TCF20: variants seen among roughly 807,000 people sequenced by gnomAD.
The protein encoded by TCF20 is transcription factor 20, also known as SPRE-binding protein.
A neutral mutation model predicts 148.6 loss-of-function variants in TCF20; 3 were observed. The ratio of observed to expected loss-of-function variants is 0.02; its 90% CI spans 0.01 to 0.05. TCF20 has a LOEUF of 0.05. Among genes scored for constraint, TCF20 ranks in the 10% least tolerant of loss-of-function variants. TCF20 has a pLI of 1.00. For synonymous variants in TCF20, 1,049 were observed against 909.5 expected (o/e 1.15, Z -2.76); for missense variants, 2,350 against 2,429.3 (o/e 0.97, Z 0.69).
chr22:42,233,957 TAG>T (rs1259921359), intron 1 of TCF20, among the ~76,000 whole-genome samples: 1 of 152,214 alleles, frequency 6.6e-6, no homozygotes, highest in African/African-American at 2.4e-5. Context: ...AAGGTTTCTT[TAG>T]AGTTTTTAAA....
At chr22:42,249,744 A>G (rs1925211393) in intron 1 of TCF20, among the ~76,000 whole-genome samples, 1 of 152,256 alleles carries the variant, frequency 6.6e-6, no homozygotes, top group South Asian at 2.1e-4. Context: ...CCCCTGCCAA[A>G]TTATTCAATG....
At chr22:42,184,073 G>A (rs1936923678) in intron 2 of TCF20, among the ~76,000 whole-genome samples, 1 of 151,916 alleles carries the variant, frequency 6.6e-6, no homozygotes, top group Non-Finnish European at 1.5e-5. Flanking sequence ...CTGGCCTTAG[G>A]TTCTTTAATG....
At chr22:42,264,181 C>T (rs925825554) in intron 1 of TCF20, among the ~76,000 whole-genome samples, 20 of 150,450 alleles carry the variant, frequency 1.3e-4, no homozygotes. Context: ...CCTTGCTTTC[C>T]TTGACATCCC....
intron 1 of TCF20, among the ~76,000 whole-genome samples, chr22:42,294,852 A>C (rs1314030212): frequency 6.6e-6 from 1 of 152,152 alleles, no homozygotes; most frequent in Non-Finnish European, 1.5e-5. Flanking sequence ...AGGGGAATAC[A>C]CACCGGTGCT....
intron 1 of TCF20, among the ~76,000 whole-genome samples, chr22:42,219,383 C>CAAAAAAAAAAAAAAAAAAAAAAAAAAAAA (rs1922140132): frequency 1.6e-5 from 1 of 62,048 alleles, no homozygotes; most frequent in Non-Finnish European, 3.2e-5. Context: ...AAAAAAAAAG[C>CAAAAAAAAAAAAAAAAAAAAAAAAAAAAA]TAATAGAGAT....
intron 1 of TCF20, among the ~76,000 whole-genome samples, chr22:42,340,615 C>T (rs563938363): frequency 3.3e-5 from 5 of 152,266 alleles, no homozygotes; most frequent in African/African-American, 1.2e-4. Flanking sequence ...AGTACACAAG[C>T]ACTCACCTGG....
chr22:42,295,957 C>T (rs1927229507), intron 1 of TCF20, among the ~76,000 whole-genome samples: 1 of 152,212 alleles, frequency 6.6e-6, no homozygotes, highest in Non-Finnish European at 1.5e-5. Flanking sequence ...CCACAAGACC[C>T]TGGGCATCAC....
In TCF20 at chr22:42,214,006, C is replaced by T; in HGVS notation, c.1300G>A (p.Gly434Ser). The T allele has an allele frequency of 6.2e-7, 1 of 1,614,176 alleles. No homozygotes were observed. The highest frequency in any genetic ancestry group is 8.5e-7 in the Non-Finnish European group (1 of 1,180,042). ...CCTTCTAGTCCAAACCCTTTGAAGC[C>T]TGCAGCATGAGAATTAGGACTGGGC... ...MMPSPNSHAA[G>S]FKGFGLEGVP... Residue 434 changes from glycine to serine, a missense_variant, in exon 2 of 6, where the codon GGC becomes AGC. Transcript: ENST00000677622.
chr22:42,263,550 A>G (rs1172372559), intron 1 of TCF20, among the ~76,000 whole-genome samples: 1 of 152,084 alleles, frequency 6.6e-6, no homozygotes, highest in Non-Finnish European at 1.5e-5. Flanking sequence ...TTCACCCTAC[A>G]TCCAAAAGGC....
intron 2 of TCF20, among the ~76,000 whole-genome samples, chr22:42,203,677 G>A (rs888351334): frequency 2.6e-5 from 4 of 152,146 alleles, no homozygotes; most frequent in Non-Finnish European, 2.9e-5. Context: ...GGAACAGGGC[G>A]CCACCGCCTA....
At chr22:42,183,244 C>T (rs1936866827) in intron 2 of TCF20, among the ~76,000 whole-genome samples, 1 of 152,222 alleles carries the variant, frequency 6.6e-6, no homozygotes, top group Non-Finnish European at 1.5e-5. Context: ...AGTGTTCTGT[C>T]TCCTACAGAG....
chr22:42,222,651 T>A (rs1240911014), intron 1 of TCF20, among the ~76,000 whole-genome samples: 1 of 152,138 alleles, frequency 6.6e-6, no homozygotes, highest in Non-Finnish European at 1.5e-5. Flanking sequence ...ATAAATTCCT[T>A]CTTGCCACAT....
intron 3 of TCF20, among the ~76,000 whole-genome samples, chr22:42,179,048 A>AAAAAAAG: frequency 6.6e-6 from 1 of 151,940 alleles, no homozygotes; most frequent in Non-Finnish European, 1.5e-5. Flanking sequence ...AAAAAAAAAA[A>AAAAAAAG]AAAAAAGAAA....
At chr22:42,180,216 G>T (rs1351971575) in intron 2 of TCF20, among the ~76,000 whole-genome samples, 2 of 152,026 alleles carry the variant, frequency 1.3e-5, no homozygotes, top group Non-Finnish European at 2.9e-5. Flanking sequence ...TTTTATTTTT[G>T]ATCTACTTAC....
chr22:42,336,430 C>T (rs1028393784), intron 1 of TCF20, among the ~76,000 whole-genome samples: 4 of 152,018 alleles, frequency 2.6e-5, no homozygotes, highest in African/African-American at 9.7e-5. Flanking sequence ...CTTCAGGCAT[C>T]CCTTCTCCTG....
At chr22:42,200,130 A>T (rs1937900667) in intron 2 of TCF20, among the ~76,000 whole-genome samples, 1 of 152,208 alleles carries the variant, frequency 6.6e-6, no homozygotes, top group African/African-American at 2.4e-5. Context: ...ACTTATCTAA[A>T]CATGTATATT....
rs1273996199 is a variant in TCF20, at chr22:42,211,307, G to A, written c.3999C>T (p.Leu1333=). ...PDSRNCPAVT[L]TSPAKTKILP... Reference sequence around the variant, plus strand: ...GTATTTTGGTCTTAGCAGGGCTTGTGAGGGTAACAGCAGGGCAGTTTCTAC... The same window carrying A: ...GTATTTTGGTCTTAGCAGGGCTTGTAAGGGTAACAGCAGGGCAGTTTCTAC... The change falls in exon 2 of 6, where the codon CTC becomes CTT. Residue 1333 remains leucine (L), a synonymous_variant. Transcript: ENST00000677622. 6.2e-7 allele frequency: 1 copy of A among 1,614,200 alleles called. No homozygotes were observed.
chr22:42,318,156 C>T (rs942881144), intron 1 of TCF20, among the ~76,000 whole-genome samples: 10 of 152,372 alleles, frequency 6.6e-5, no homozygotes, highest in Admixed American at 2.0e-4. Flanking sequence ...GCTAATTAGC[C>T]GCACATCTCT....
At chr22:42,316,083 GA>G (rs1927624893) in intron 1 of TCF20, among the ~76,000 whole-genome samples, 1 of 135,194 alleles carries the variant, frequency 7.4e-6, no homozygotes, top group Admixed American at 7.8e-5. Context: ...ACTCCAGTCT[GA>G]GTGACAGAAC....
Sources: allele counts gnomAD v4.1 joint callset (sites outside exome capture counted in the v4.1 genomes callset), GRCh38; gene constraint gnomAD v4.1.1; transcripts MANE v1.5; gene names NCBI Gene and HGNC (gene_info 2026-07-23, HGNC 2026-07-21).